ADAMTSL1: variants seen among roughly 807,000 people sequenced by gnomAD.
ADAMTSL1 encodes the protein ADAMTS-like protein 1.
ADAMTSL1 carries 126 observed loss-of-function variants against 201.8 expected under a neutral mutation model. That is an observed-to-expected ratio of 0.62 (90% CI 0.54 to 0.72). The LOEUF is 0.72. Among genes scored for constraint, ADAMTSL1 ranks in the 30% least tolerant of loss-of-function variants. The pLI is 0.00. For synonymous variants in ADAMTSL1, 1,121 were observed against 903.4 expected, an observed-to-expected ratio of 1.24 and a Z score of -4.32; for missense variants, 2,679 against 2,277.8, an observed-to-expected ratio of 1.18 and a Z score of -3.59.
At chr9:18,645,235 G>C (rs1005688504) in intron 7 of ADAMTSL1, among the ~76,000 whole-genome samples, 2 of 152,106 alleles carry the variant, frequency 1.3e-5, no homozygotes, top group African/African-American at 4.8e-5. Flanking sequence ...TGATGGGGTT[G>C]TTTGTTTTAT....
In ADAMTSL1 at chr9:18,533,304, G is replaced by T. The variant is rs1338380107; in HGVS notation, c.237+12G>T. ...CATGCAGTAATGTGGTAAGTATAAG[G>T]TTCTGAGATTGTAATCATGTATTTT... On this transcript the variant is annotated intron_variant, in intron 3 of 28. Coordinates refer to ENST00000380548, the MANE Select transcript of ADAMTSL1 (RefSeq NM_001040272.6). 2.5e-6 allele frequency: 4 copies of T among 1,602,116 alleles called. 1 individual carries two copies. In the Admixed American group the frequency reaches 6.8e-5, roughly 27 times the overall value.
chr9:18,379,906 T>G (rs528597312), intron 2 of ADAMTSL1, among the ~76,000 whole-genome samples: 205 of 152,346 alleles, frequency 1.3e-3, no homozygotes, highest in African/African-American at 4.7e-3. Flanking sequence ...GATTAAAGGC[T>G]TTCATTAAAG....
intron 1 of ADAMTSL1, among the ~76,000 whole-genome samples, chr9:18,150,390 G>T (rs1587163998): frequency 6.6e-6 from 1 of 152,054 alleles, no homozygotes; most frequent in Admixed American, 6.6e-5. Flanking sequence ...TCATGCAGGT[G>T]AAATGAAGAC....
chr9:18,535,827 A>T (rs1390674364), intron 3 of ADAMTSL1, among the ~76,000 whole-genome samples: 1 of 152,180 alleles, frequency 6.6e-6, no homozygotes, highest in Non-Finnish European at 1.5e-5. Flanking sequence ...AGAACTTACT[A>T]TCATGAGAAT....
intron 1 of ADAMTSL1, among the ~76,000 whole-genome samples, chr9:17,980,627 G>T (rs966503031): frequency 1.3e-5 from 2 of 152,036 alleles, no homozygotes; most frequent in African/African-American, 4.8e-5. Flanking sequence ...TTTTTGGGGG[G>T]CAATTGGGTC....
chr9:18,271,982 A>G (rs1455993130), intron 2 of ADAMTSL1, among the ~76,000 whole-genome samples: 3 of 150,704 alleles, frequency 2.0e-5, no homozygotes, highest in Non-Finnish European at 4.5e-5. Flanking sequence ...TTCTTTTGAG[A>G]AGCGTCTGTT....
intron 4 of ADAMTSL1, among the ~76,000 whole-genome samples, chr9:18,577,439 T>C (rs1488142550): frequency 6.6e-6 from 1 of 152,146 alleles, no homozygotes; most frequent in Non-Finnish European, 1.5e-5. Flanking sequence ...TGAGCCGAGA[T>C]TGCACCACTG....
At chr9:18,093,074 G>C (rs1824096608) in intron 1 of ADAMTSL1, among the ~76,000 whole-genome samples, 1 of 152,102 alleles carries the variant, frequency 6.6e-6, no homozygotes, top group Non-Finnish European at 1.5e-5. Context: ...TGCTGAGATT[G>C]GCAGTTAATG....
In ADAMTSL1 at chr9:18,795,455, G is replaced by A. The variant is rs1406998508; in HGVS notation, c.3736G>A (p.Gly1246Ser). The A allele has an allele frequency of 1.9e-6, 3 of 1,613,744 alleles. No homozygotes were observed. The highest frequency in any genetic ancestry group is 4.5e-5 in the East Asian group (2 of 44,888). Residue 1246 changes from glycine to serine, a missense_variant, in exon 20 of 29, where the codon GGT becomes AGT. Transcript: ENST00000380548. ...QILAPVEADV[G>S]FYTCNATNAL... ...CTTGGCACCAGTGGAAGCAGATGTGGGTTTCTACACTTGCAATGCCACCAA... is the reference window on the plus strand; with the variant it reads ...CTTGGCACCAGTGGAAGCAGATGTGAGTTTCTACACTTGCAATGCCACCAA...
intron 23 of ADAMTSL1, among the ~76,000 whole-genome samples, chr9:18,868,378 G>C (rs1827674153): frequency 1.3e-5 from 2 of 152,096 alleles, no homozygotes; most frequent in Admixed American, 6.5e-5. Context: ...GCTATCTACT[G>C]GTCAGTGCAG....
At chr9:18,170,889 A>G (rs964001929) in intron 2 of ADAMTSL1, among the ~76,000 whole-genome samples, 1 of 152,034 alleles carries the variant, frequency 6.6e-6, no homozygotes, top group African/African-American at 2.4e-5. Flanking sequence ...GTTAGTGTTT[A>G]TATTTCATTG....
chr9:18,732,279 C>A (rs544728160), intron 15 of ADAMTSL1, among the ~76,000 whole-genome samples: 1 of 152,178 alleles, frequency 6.6e-6, no homozygotes, highest in Non-Finnish European at 1.5e-5. Flanking sequence ...ATGGATAGAA[C>A]CTAGCTTCAA....
intron 23 of ADAMTSL1, among the ~76,000 whole-genome samples, chr9:18,859,941 A>T (rs1827105473): frequency 6.6e-6 from 1 of 152,168 alleles, no homozygotes; most frequent in African/African-American, 2.4e-5. Context: ...CCCATCACCC[A>T]TTTAAAGAAT....
rs570893519 is a variant in ADAMTSL1 at position 18,817,133 on chromosome 9, G to A, written c.3830G>A (p.Arg1277Gln). ...LAGKPLVKTS[R>Q]MTVINTEKPA... Reference sequence around the variant, plus strand: ...GGAAAGCCACTAGTGAAAACGTCACGAATGACAGTGATCAACACGGAGAAG... The same window carrying A: ...GGAAAGCCACTAGTGAAAACGTCACAAATGACAGTGATCAACACGGAGAAG... The change falls in exon 21 of 29, where the codon CGA becomes CAA. Residue 1277 changes from arginine (R) to glutamine (Q), a missense_variant. By Grantham distance (43) the Arg-to-Gln change is conservative. Transcript: ENST00000380548. The A allele has an allele frequency of 7.5e-6, 12 of 1,605,916 alleles. No individual in the cohort carries two copies. Among genetic ancestry groups the A allele is most frequent in the East Asian group, 4.5e-5 (2 of 44,746 alleles).
intron 1 of ADAMTSL1, among the ~76,000 whole-genome samples, chr9:18,004,342 TG>T (rs965787266): frequency 6.6e-6 from 1 of 151,960 alleles, no homozygotes; most frequent in African/African-American, 2.4e-5. Flanking sequence ...TTCTGAGCTC[TG>T]GCTGCTTCCA....
At chr9:18,085,303 A>G (rs1823698305) in intron 1 of ADAMTSL1, among the ~76,000 whole-genome samples, 1 of 152,122 alleles carries the variant, frequency 6.6e-6, no homozygotes, top group African/African-American at 2.4e-5. Flanking sequence ...CTTGGGCACA[A>G]TACTTAACCT....
chr9:18,013,686 C>A (rs1379763902), intron 1 of ADAMTSL1, among the ~76,000 whole-genome samples: 2 of 152,010 alleles, frequency 1.3e-5, no homozygotes, highest in Non-Finnish European at 2.9e-5. Flanking sequence ...AAAATAACAG[C>A]ACTTAGCCAA....
chr9:17,963,949 T>G (rs1329781761), intron 1 of ADAMTSL1, among the ~76,000 whole-genome samples: 2 of 152,162 alleles, frequency 1.3e-5, no homozygotes, highest in Non-Finnish European at 2.9e-5. Context: ...GCTGTGCCTT[T>G]AACATGCTCA....
At chr9:18,670,760 T>C (rs1254969414) in intron 9 of ADAMTSL1, among the ~76,000 whole-genome samples, 1 of 152,202 alleles carries the variant, frequency 6.6e-6, no homozygotes, top group African/African-American at 2.4e-5. Context: ...AAAGAACCAA[T>C]ATAGCTTCTG....
Sources: allele counts gnomAD v4.1 joint callset (sites outside exome capture counted in the v4.1 genomes callset), GRCh38; gene constraint gnomAD v4.1.1; transcripts MANE v1.5; gene names NCBI Gene and HGNC (gene_info 2026-07-23, HGNC 2026-07-21).